ZFPM2: variants seen among roughly 807,000 people sequenced by gnomAD.
ZFPM2 encodes zinc finger protein, FOG family member 2.
ZFPM2 carries 20 observed loss-of-function variants against 98.6 expected under a neutral mutation model. The observed-to-expected ratio is 0.20, with a 90% CI of 0.14 to 0.29. ZFPM2 has a LOEUF of 0.29. Ranked by LOEUF, ZFPM2 falls within the 10% of genes least tolerant of loss-of-function variation. ZFPM2 has a pLI of 1.00. For missense variants in ZFPM2, 1,310 were observed against 1,388.6 expected, an observed-to-expected ratio of 0.94 and a Z score of 0.90; for synonymous variants, 518 against 502.7, an observed-to-expected ratio of 1.03 and a Z score of -0.41.
intron 3 of ZFPM2, among the ~76,000 whole-genome samples, chr8:105,483,226 G>A (rs1478242988): frequency 6.6e-6 from 1 of 151,878 alleles, no homozygotes; most frequent in African/African-American, 2.4e-5. Context: ...TAAATTCTCA[G>A]CCCTTTTGGT....
intron 3 of ZFPM2, among the ~76,000 whole-genome samples, chr8:105,483,977 G>A (rs1483640034): frequency 3.3e-5 from 5 of 151,632 alleles, no homozygotes; most frequent in Middle Eastern, 3.4e-3. Context: ...CCCATGATCC[G>A]CCCACCTCAG....
In ZFPM2 at chr8:105,608,459, C is replaced by T. The variant is rs188576760; in HGVS notation, c.421-25787C>T. ...AGGCACACTGCATACTTTGTGTGAA[C>T]ATTCAACCAAAAATGTAATTCATTA... On this transcript the variant is annotated intron_variant, in intron 4 of 7. Transcript: ENST00000407775. Among the ~76,000 whole-genome samples the T allele has an allele frequency of 4.3e-4, 65 of 151,932 alleles. No individual in the cohort carries two copies. The East Asian group carries it at 0.012, about 28-fold the overall frequency.
intron 3 of ZFPM2, among the ~76,000 whole-genome samples, chr8:105,467,142 A>G (rs1425880265): frequency 2.0e-5 from 3 of 152,084 alleles, no homozygotes. Context: ...ACCTCTTAAC[A>G]TTGAAGACAG....
At chr8:105,636,303 C>T (rs1268371215) in intron 5 of ZFPM2, among the ~76,000 whole-genome samples, 3 of 152,134 alleles carry the variant, frequency 2.0e-5, no homozygotes, top group East Asian at 1.9e-4. Context: ...TATCTTTTTG[C>T]AATAAACAAC....
chr8:105,751,291 A>T, intron 5 of ZFPM2, among the ~76,000 whole-genome samples: 1 of 152,270 alleles, frequency 6.6e-6, no homozygotes, highest in African/African-American at 2.4e-5. Flanking sequence ...ATAATTAAAT[A>T]AAAATAATGA....
At chr8:105,433,188 A>G (rs116496458) in intron 2 of ZFPM2, among the ~76,000 whole-genome samples, 2,448 of 152,318 alleles carry the variant, frequency 0.016, 60 homozygotes, top group African/African-American at 0.056. Flanking sequence ...ATAATGAGGA[A>G]TAAAATTATC....
chr8:105,580,083 A>T (rs1343110433), intron 4 of ZFPM2, among the ~76,000 whole-genome samples: 2 of 152,176 alleles, frequency 1.3e-5, no homozygotes, highest in Non-Finnish European at 2.9e-5. Flanking sequence ...CATCAAGGAT[A>T]TCCTTCCCGA....
At chr8:105,794,274 GT>G (rs990544971) in intron 6 of ZFPM2, among the ~76,000 whole-genome samples, 2 of 152,104 alleles carry the variant, frequency 1.3e-5, no homozygotes, top group African/African-American at 4.8e-5. Context: ...CTTTCTGTTT[GT>G]TAGTTTTCCT....
intron 5 of ZFPM2, among the ~76,000 whole-genome samples, chr8:105,657,443 T>C (rs185501827): frequency 6.6e-6 from 1 of 152,230 alleles, no homozygotes; most frequent in Non-Finnish European, 1.5e-5. Context: ...CTGGCCGTAA[T>C]GCTCTTCTAT....
At chr8:105,355,433 T>C (rs567766874) in intron 1 of ZFPM2, among the ~76,000 whole-genome samples, 158 of 152,342 alleles carry the variant, frequency 1.0e-3, no homozygotes, top group Non-Finnish European at 1.9e-3. Context: ...AGTTTTGTTC[T>C]TTTAAATTCT....
intron 4 of ZFPM2, among the ~76,000 whole-genome samples, chr8:105,603,277 G>A (rs1816130270): frequency 6.6e-6 from 1 of 152,052 alleles, no homozygotes; most frequent in Non-Finnish European, 1.5e-5. Flanking sequence ...ATGGTATATA[G>A]GGATACTCAA....
intron 3 of ZFPM2, among the ~76,000 whole-genome samples, chr8:105,557,936 G>A (rs1028704212): frequency 6.6e-6 from 1 of 152,068 alleles, no homozygotes; most frequent in African/African-American, 2.4e-5. Flanking sequence ...ATCATGGACT[G>A]TCAGTGTTGA....
chr8:105,800,120 T>C (rs893205422), intron 7 of ZFPM2, among the ~76,000 whole-genome samples: 10 of 152,082 alleles, frequency 6.6e-5, no homozygotes, highest in South Asian at 4.1e-4. Context: ...GAGTATTAGA[T>C]TCATTAAGGA....
At chr8:105,611,815 C>T (rs1464041303) in intron 4 of ZFPM2, among the ~76,000 whole-genome samples, 2 of 151,836 alleles carry the variant, frequency 1.3e-5, no homozygotes, top group African/African-American at 4.8e-5. Context: ...TCTCCTGCCT[C>T]AGCTTCCCGA....
At chr8:105,759,462 T>C (rs1410222718) in intron 5 of ZFPM2, among the ~76,000 whole-genome samples, 1 of 152,036 alleles carries the variant, frequency 6.6e-6, no homozygotes, top group Non-Finnish European at 1.5e-5. Flanking sequence ...AAATCCCATC[T>C]CTTTTTCTAA....
At chr8:105,549,158 C>G (rs1814783407) in intron 3 of ZFPM2, among the ~76,000 whole-genome samples, 1 of 152,058 alleles carries the variant, frequency 6.6e-6, no homozygotes, top group Non-Finnish European at 1.5e-5. Flanking sequence ...TCCTCTTCTT[C>G]TTCAAAATCT....
At chr8:105,573,130 C>T (rs781314293) in intron 4 of ZFPM2, among the ~76,000 whole-genome samples, 1 of 152,100 alleles carries the variant, frequency 6.6e-6, no homozygotes, top group African/African-American at 2.4e-5. Context: ...TCAAATGACT[C>T]TTGATTCAGT....
intron 5 of ZFPM2, among the ~76,000 whole-genome samples, chr8:105,677,980 G>T (rs1015049688): frequency 2.6e-5 from 4 of 151,998 alleles, no homozygotes; most frequent in Non-Finnish European, 4.4e-5. Flanking sequence ...TCATAAATTG[G>T]GCATTTCAGA....
In ZFPM2 at chr8:105,391,498, A is replaced by G. The variant is rs112513950; in HGVS notation, c.41-27646A>G. On this transcript the variant is annotated intron_variant, in intron 1 of 7. Coordinates refer to ENST00000407775, the MANE Select transcript of ZFPM2 (RefSeq NM_012082.4). ...ATGAAAGATTTCTCTGTAGCTTGCA[A>G]TGCTGTTTGATAGTATTTTATCTAC... Among the ~76,000 whole-genome samples the G allele has an allele frequency of 5.9e-3, 893 of 152,324 alleles. 4 individuals carry two copies. Among genetic ancestry groups the G allele is most frequent in the Non-Finnish European group, 9.6e-3 (656 of 68,024 alleles).
Sources: gnomAD v4.1 joint callset for allele counts (sites outside exome capture counted in the v4.1 genomes callset) on GRCh38, gnomAD v4.1.1 for gene constraint, MANE v1.5 for transcripts, NCBI Gene and HGNC (gene_info 2026-07-23, HGNC 2026-07-21) for gene names.